PDE10A: variants seen among roughly 807,000 people sequenced by gnomAD.
PDE10A encodes the protein phosphodiesterase 10A.
In PDE10A, 39 loss-of-function variants were observed where a neutral mutation model predicts 97.7. That is an observed-to-expected ratio of 0.40 (90% confidence interval 0.31 to 0.52). The LOEUF (loss-of-function observed/expected upper bound fraction) is 0.52. Among genes scored for constraint, PDE10A ranks in the 20% least tolerant of loss-of-function variants. The pLI is 0.56. For synonymous variants in PDE10A, 371 were observed against 376.8 expected (o/e 0.98, Z 0.18); for missense variants, 731 against 1,047.8 (o/e 0.70, Z 4.17).
At chr6:165,694,678 T>C (rs4376333) in intron 1 of PDE10A, among the ~76,000 whole-genome samples, 138,623 of 152,322 alleles carry the variant, frequency 0.91, 63,357 homozygotes, top group African/African-American at 0.98. Flanking sequence ...CTCTTAAATT[T>C]CTGTCCAGCT....
intron 3 of PDE10A, among the ~76,000 whole-genome samples, chr6:165,474,999 C>T (rs947097597): frequency 7.2e-5 from 11 of 152,090 alleles, no homozygotes; most frequent in African/African-American, 1.9e-4. Context: ...CACATGCACC[C>T]GCATCCCTGG....
intron 5 of PDE10A, among the ~76,000 whole-genome samples, chr6:165,447,703 G>A (rs1790971907): frequency 2.0e-5 from 3 of 152,154 alleles, no homozygotes; most frequent in Admixed American, 2.0e-4. Context: ...TACTACCAGT[G>A]TCTGAAATAT....
intron 1 of PDE10A, among the ~76,000 whole-genome samples, chr6:165,917,039 G>T (rs1339489010): frequency 2.0e-5 from 3 of 152,112 alleles, no homozygotes; most frequent in African/African-American, 7.2e-5. Context: ...TCCAGGATTG[G>T]TTATCTCAGC....
chr6:165,450,187 T>G, intron 4 of PDE10A, 55 bp downstream of exon 4: 1 of 1,293,130 alleles, frequency 7.7e-7, no homozygotes, highest in Non-Finnish European at 1.0e-6. Context: ...TTTGCTGCTT[T>G]TTGTAAAAGA....
intron 2 of PDE10A, among the ~76,000 whole-genome samples, chr6:165,514,323 C>T (rs1781670536): frequency 6.6e-6 from 1 of 152,164 alleles, no homozygotes; most frequent in African/African-American, 2.4e-5. Flanking sequence ...TCTTCCTTCT[C>T]TATTTTCTGA....
chr6:165,673,009 C>T (rs757653152), intron 1 of PDE10A, among the ~76,000 whole-genome samples: 1 of 152,188 alleles, frequency 6.6e-6, no homozygotes, highest in Non-Finnish European at 1.5e-5. Flanking sequence ...CACACCTTTG[C>T]CATGAATTAA....
intron 1 of PDE10A, among the ~76,000 whole-genome samples, chr6:165,815,540 G>A (rs1440003298): frequency 6.6e-6 from 1 of 152,212 alleles, no homozygotes; most frequent in Non-Finnish European, 1.5e-5. Context: ...GGCCTCAGAT[G>A]TTGTGAAAGG....
At chr6:165,752,852 A>G (rs1017183034) in intron 1 of PDE10A, among the ~76,000 whole-genome samples, 2 of 152,228 alleles carry the variant, frequency 1.3e-5, no homozygotes, top group Admixed American at 1.3e-4. Flanking sequence ...CAATGTCAAC[A>G]TGGAGGTAAG....
chr6:165,466,362 G>A (rs1400384831), intron 3 of PDE10A, among the ~76,000 whole-genome samples: 1 of 152,148 alleles, frequency 6.6e-6, no homozygotes, highest in African/African-American at 2.4e-5. Context: ...AAGCATTCAA[G>A]GGCAGCTGAA....
At chr6:165,693,654 A>G (rs1027570851) in intron 1 of PDE10A, among the ~76,000 whole-genome samples, 4 of 151,890 alleles carry the variant, frequency 2.6e-5, no homozygotes, top group East Asian at 1.9e-4. Context: ...ACCTACAACT[A>G]TTGTTTAAGA....
chr6:165,860,022 A>G (rs1188969938), intron 1 of PDE10A, among the ~76,000 whole-genome samples: 1 of 152,164 alleles, frequency 6.6e-6, no homozygotes, highest in Non-Finnish European at 1.5e-5. Context: ...GATGCAATGG[A>G]CTTTGGGGAC....
At chr6:165,622,637 G>T (rs1788199850) in intron 1 of PDE10A, among the ~76,000 whole-genome samples, 2 of 152,072 alleles carry the variant, frequency 1.3e-5, no homozygotes, top group Admixed American at 6.5e-5. Context: ...TTATATAGTG[G>T]GTGATTGTGT....
At chr6:165,556,832 A>G (rs1466148549) in intron 1 of PDE10A, among the ~76,000 whole-genome samples, 4 of 151,976 alleles carry the variant, frequency 2.6e-5, no homozygotes, top group Admixed American at 2.6e-4. Context: ...GCCTTGATAA[A>G]TCTTAAATAA....
At chr6:165,372,623 G>A (rs1421334746) in intron 18 of PDE10A, among the ~76,000 whole-genome samples, 1 of 151,192 alleles carries the variant, frequency 6.6e-6, no homozygotes, top group Non-Finnish European at 1.5e-5. Flanking sequence ...TGGGTAGGAA[G>A]AATCAATATT....
At chr6:165,526,519 T>C (rs1474473671) in intron 2 of PDE10A, among the ~76,000 whole-genome samples, 1 of 152,086 alleles carries the variant, frequency 6.6e-6, no homozygotes, top group Non-Finnish European at 1.5e-5. Context: ...TAATATCACA[T>C]CTCTGGAGGG....
chr6:165,779,792 C>T lies in PDE10A; in HGVS notation c.-615+207737G>A, dbSNP rs553127717. On this transcript the variant is annotated intron_variant, in intron 1 of 19. Transcript: ENST00000366882. The stretch of plus-strand genomic sequence containing the variant: ...TCCCAGGGGCTCCCTGCACCTCCCT[C>T]TGCCTGTCCCTGACTCTTCTTCCCA... 5.4e-4 allele frequency among the ~76,000 whole-genome samples: 82 copies of T among 152,278 alleles called. 1 individual carries two copies. The South Asian group carries it at 0.012, about 23-fold the overall frequency.
intron 1 of PDE10A, among the ~76,000 whole-genome samples, chr6:165,880,586 G>A (rs1158492341): frequency 6.6e-6 from 1 of 152,118 alleles, no homozygotes; most frequent in Non-Finnish European, 1.5e-5. Flanking sequence ...CTACCCAAAT[G>A]AGCCCTTATA....
chr6:165,969,907 G>A (rs565972203), intron 1 of PDE10A, among the ~76,000 whole-genome samples: 1 of 152,322 alleles, frequency 6.6e-6, no homozygotes, highest in African/African-American at 2.4e-5. Flanking sequence ...ATGTTTACAT[G>A]ATTTCAGAGT....
intron 1 of PDE10A, among the ~76,000 whole-genome samples, chr6:165,977,404 T>G (rs1384446614): frequency 1.3e-5 from 2 of 152,200 alleles, no homozygotes; most frequent in Non-Finnish European, 2.9e-5. Context: ...ATGGTCCATC[T>G]TTCTTCTTAA....
Sources: gnomAD v4.1 joint callset for allele counts (sites outside exome capture counted in the v4.1 genomes callset) on GRCh38, gnomAD v4.1.1 for gene constraint, MANE v1.5 for transcripts, NCBI Gene and HGNC (gene_info 2026-07-23, HGNC 2026-07-21) for gene names.